NBEA: variants seen among roughly 807,000 people sequenced by gnomAD.
NBEA encodes lysosomal-trafficking regulator 2.
NBEA carries 44 observed loss-of-function variants against 343.4 expected under a neutral mutation model. That is an observed-to-expected ratio of 0.13 (90% CI 0.10 to 0.16). The LOEUF (loss-of-function observed/expected upper bound fraction) is 0.16. NBEA is among the 10% of genes least tolerant of loss of function. NBEA has a pLI of 1.00. For missense variants in NBEA, 2,555 were observed against 3,631.3 expected, an observed-to-expected ratio of 0.70 and a Z score of 7.62; for synonymous variants, 1,175 against 1,238.7, an observed-to-expected ratio of 0.95 and a Z score of 1.08.
intron 40 of NBEA, among the ~76,000 whole-genome samples, chr13:35,459,014 C>G (rs1203912203): frequency 2.4e-5 from 3 of 122,874 alleles, no homozygotes; most frequent in Admixed American, 7.8e-5. Context: ...CGCCCCCCCC[C>G]CCCCACACAC....
intron 41 of NBEA, chr13:35,476,459 G>A: frequency 2.4e-6 from 2 of 843,140 alleles, no homozygotes; most frequent in Non-Finnish European, 3.9e-6. Flanking sequence ...TTGTGTGAGA[G>A]AACCGCATGG....
At chr13:35,453,484 G>A (rs1176770268) in intron 40 of NBEA, among the ~76,000 whole-genome samples, 2 of 152,166 alleles carry the variant, frequency 1.3e-5, no homozygotes, top group African/African-American at 4.8e-5. Flanking sequence ...GAGGCCATTT[G>A]GAAATTTAAG....
chr13:35,008,722 A>G (rs2061393734), intron 1 of NBEA, among the ~76,000 whole-genome samples: 1 of 152,204 alleles, frequency 6.6e-6, no homozygotes, highest in Non-Finnish European at 1.5e-5. Flanking sequence ...CAGTCCAGTA[A>G]TCTACAGATT....
chr13:35,036,018 A>G lies in NBEA; in HGVS notation c.295-4915A>G, dbSNP rs143556422. Among the ~76,000 whole-genome samples the G allele has an allele frequency of 2.2e-3, 327 of 152,074 alleles. 1 individual carries two copies. The highest frequency in any genetic ancestry group is 7.2e-3 in the African/African-American group (300 of 41,524). ...GTTTAGTGTATTTACATTCAATGTT[A>G]TTATTAAGTAAGGATGTACTCTTGC... On this transcript the variant is annotated intron_variant, in intron 1 of 58. Coordinates refer to ENST00000379939, the MANE Select transcript of NBEA (RefSeq NM_001385012.1).
At chr13:35,467,626 A>G (rs1341569159) in intron 40 of NBEA, among the ~76,000 whole-genome samples, 2 of 152,188 alleles carry the variant, frequency 1.3e-5, no homozygotes, top group Non-Finnish European at 2.9e-5. Flanking sequence ...CTTTGGAATA[A>G]TATTATTTTA....
At chr13:35,358,821 T>C (rs2040645619) in intron 38 of NBEA, among the ~76,000 whole-genome samples, 2 of 152,246 alleles carry the variant, frequency 1.3e-5, no homozygotes, top group African/African-American at 4.8e-5. Context: ...GGAGCTTTAT[T>C]TTAGATTAGG....
At chr13:35,269,572 A>G (rs558749043) in intron 34 of NBEA, among the ~76,000 whole-genome samples, 33 of 152,168 alleles carry the variant, frequency 2.2e-4, no homozygotes, top group Non-Finnish European at 4.3e-4. Context: ...TTTGATTTGG[A>G]GACAGACCTC....
chr13:35,557,702 T>C (rs2079642993), intron 44 of NBEA, among the ~76,000 whole-genome samples: 1 of 152,120 alleles, frequency 6.6e-6, no homozygotes, highest in Non-Finnish European at 1.5e-5. Context: ...CACAGAACAC[T>C]TACAGTCTAG....
intron 30 of NBEA, among the ~76,000 whole-genome samples, chr13:35,187,911 G>C (rs1318966913): frequency 1.3e-5 from 2 of 151,942 alleles, no homozygotes; most frequent in Non-Finnish European, 2.9e-5. Context: ...CAGGATGTTT[G>C]TATTTTGTTC....
At chr13:35,583,842 T>A in intron 45 of NBEA, 56 bp from the exon 46 acceptor site, 1 of 1,266,256 alleles carries the variant, frequency 7.9e-7, no homozygotes. Context: ...AAAGATTTAT[T>A]ATCTAGGATA....
At chr13:35,351,665 A>G (rs1343640568) in intron 37 of NBEA, among the ~76,000 whole-genome samples, 5 of 152,094 alleles carry the variant, frequency 3.3e-5, no homozygotes, top group Non-Finnish European at 5.9e-5. Flanking sequence ...TGGAGTTTGC[A>G]TATTTTGTGA....
intron 47 of NBEA, among the ~76,000 whole-genome samples, chr13:35,597,410 C>T (rs186272001): frequency 4.6e-4 from 70 of 152,182 alleles, no homozygotes; most frequent in Admixed American, 2.4e-3. Flanking sequence ...AGCTGATTAA[C>T]AGAAATTTAT....
At chr13:35,309,130 A>G (rs1044740847) in intron 35 of NBEA, among the ~76,000 whole-genome samples, 1 of 152,028 alleles carries the variant, frequency 6.6e-6, no homozygotes, top group African/African-American at 2.4e-5. Context: ...TCTAGTATTC[A>G]TTTTATTATC....
At chr13:35,549,031 G>A (rs996150182) in intron 41 of NBEA, among the ~76,000 whole-genome samples, 5 of 152,160 alleles carry the variant, frequency 3.3e-5, no homozygotes, top group Admixed American at 6.5e-5. Context: ...ACAAAAACCA[G>A]ATGGAGTTAA....
chr13:34,998,184 GT>G (rs1162914650), intron 1 of NBEA, among the ~76,000 whole-genome samples: 2 of 152,132 alleles, frequency 1.3e-5, no homozygotes, highest in African/African-American at 2.4e-5. Context: ...AAACCAGCAA[GT>G]TTTTAGTGAT....
intron 41 of NBEA, among the ~76,000 whole-genome samples, chr13:35,500,711 CTTCTTT>C: frequency 5.8e-5 from 1 of 17,106 alleles, no homozygotes; most frequent in African/African-American, 2.4e-4. Context: ...TTTCCTGGCT[CTTCTTT>C]TTTTTTTTTT....
At chr13:35,510,146 G>A (rs916497388) in intron 41 of NBEA, among the ~76,000 whole-genome samples, 1 of 152,112 alleles carries the variant, frequency 6.6e-6, no homozygotes, top group Non-Finnish European at 1.5e-5. Context: ...TCTGTGTAGA[G>A]GAGATTAAGA....
At chr13:35,366,331 A>G (rs1348810316) in intron 38 of NBEA, among the ~76,000 whole-genome samples, 1 of 151,512 alleles carries the variant, frequency 6.6e-6, no homozygotes, top group Non-Finnish European at 1.5e-5. Context: ...TTTCTAACAG[A>G]TAACACTTAC....
At position 35,232,525 on chromosome 13, in the gene NBEA, A is replaced by G; in HGVS notation, c.5682A>G (p.Lys1894=). 1 of 1,548,744 alleles carries G rather than the reference A, an allele frequency of 6.5e-7. No individual in the cohort carries two copies. Among genetic ancestry groups the G allele is most frequent in the South Asian group, 1.2e-5 (1 of 83,610 alleles). The stretch of plus-strand genomic sequence containing the variant: ...CAAAACTTGAAAGAGCGTTAGAAAA[A>G]GTTGCTCCTCTTCTTCGTGAAATTT... ...ITAKLERALE[K]VAPLLREIFV... The change falls in exon 34 of 59, where the codon AAA becomes AAG. Residue 1894 remains lysine, a synonymous_variant. Coordinates refer to ENST00000379939, the MANE Select transcript of NBEA (RefSeq NM_001385012.1).
Sources: gnomAD v4.1 joint callset for allele counts (sites outside exome capture counted in the v4.1 genomes callset) on GRCh38, gnomAD v4.1.1 for gene constraint, MANE v1.5 for transcripts, NCBI Gene and HGNC (gene_info 2026-07-23, HGNC 2026-07-21) for gene names.